ATP9B: variants seen among roughly 807,000 people sequenced by gnomAD.
ATP9B encodes the protein probable phospholipid-transporting ATPase IIB.
ATP9B carries 110 observed loss-of-function variants against 146.1 expected under a neutral mutation model. The ratio of observed to expected loss-of-function variants is 0.75; its 90% CI spans 0.65 to 0.88. The LOEUF (loss-of-function observed/expected upper bound fraction) is 0.88. Among genes scored for constraint, ATP9B ranks in the 40% least tolerant of loss-of-function variants. ATP9B has a pLI of 0.00. For missense variants in ATP9B, 1,499 were observed against 1,496.4 expected (o/e 1.00, Z -0.03); for synonymous variants, 604 against 569.7 (o/e 1.06, Z -0.86).
Position 79,185,072 on chromosome 18 carries a change from A to AT in ATP9B, c.874-8111_874-8110insT, listed in dbSNP as rs1474495855. On this transcript the variant is annotated intron_variant, in intron 8 of 29. Transcript: ENST00000426216. ...ATTCTGTACAAGCGATCAGCAGGTG[A>AT]CAGAGGTTAGCAGTGCAGGGATAGG... 2.7e-5 allele frequency among the ~76,000 whole-genome samples: 4 copies of AT among 150,732 alleles called. No homozygotes were observed. In the East Asian group the frequency reaches 7.7e-4, roughly 29 times the overall value.
intron 7 of ATP9B, among the ~76,000 whole-genome samples, chr18:79,159,257 G>A (rs1375257612): frequency 1.3e-5 from 2 of 152,142 alleles, no homozygotes; most frequent in Admixed American, 1.3e-4. Context: ...CCAGCAAAAT[G>A]TATCCATTTA....
At chr18:79,187,132 A>C (rs1415944076) in intron 8 of ATP9B, among the ~76,000 whole-genome samples, 2 of 152,236 alleles carry the variant, frequency 1.3e-5, no homozygotes, top group Non-Finnish European at 2.9e-5. Context: ...TTGGAGCTTC[A>C]GTCCTGAACT....
At chr18:79,088,377 T>A (rs1468696255) in intron 1 of ATP9B, among the ~76,000 whole-genome samples, 1 of 152,242 alleles carries the variant, frequency 6.6e-6, no homozygotes, top group Non-Finnish European at 1.5e-5. Context: ...ATTTTCTAGT[T>A]GACTGTTTTA....
At chr18:79,189,946 G>A (rs944730507) in intron 8 of ATP9B, among the ~76,000 whole-genome samples, 4 of 152,240 alleles carry the variant, frequency 2.6e-5, no homozygotes, top group Non-Finnish European at 4.4e-5. Context: ...CGAGCACTCG[G>A]AACTGTGATG....
At chr18:79,188,391 T>C (rs2095328976) in intron 8 of ATP9B, among the ~76,000 whole-genome samples, 1 of 152,208 alleles carries the variant, frequency 6.6e-6, no homozygotes. Context: ...CAGTTTTAGC[T>C]CGGCCCTCGG....
At chr18:79,292,063 A>G (rs2096509196) in intron 13 of ATP9B, among the ~76,000 whole-genome samples, 1 of 152,246 alleles carries the variant, frequency 6.6e-6, no homozygotes, top group East Asian at 1.9e-4. Flanking sequence ...AGTGTATATC[A>G]GTACCTCATT....
intron 8 of ATP9B, among the ~76,000 whole-genome samples, chr18:79,182,176 T>C (rs2095259143): frequency 6.6e-6 from 1 of 152,214 alleles, no homozygotes. Context: ...GCTGGGATCC[T>C]GCTGATGTCT....
Position 79,193,211 on chromosome 18 carries a change from A to T in ATP9B, c.902A>T (p.Tyr301Phe), listed in dbSNP as rs1473162624. Residue 301 changes from tyrosine (Y) to phenylalanine (F), a missense_variant, in exon 9 of 30, where the codon TAT (tyrosine) becomes TTT (phenylalanine). Transcript: ENST00000426216. The part of the protein sequence containing the change: ...GDLFSISAYV[Y>F]AQKPQMDIHS... ...CTTTTTTCTATCAGTGCTTATGTTT[A>T]TGCTCAGAAACCACAAATGGACATT... 6.2e-7 allele frequency: 1 copy of T among 1,611,626 alleles called. No homozygotes were observed.
chr18:79,251,630 G>T (rs2096024627), intron 11 of ATP9B, among the ~76,000 whole-genome samples: 1 of 152,150 alleles, frequency 6.6e-6, no homozygotes, highest in African/African-American at 2.4e-5. Flanking sequence ...ATTTTTGCTT[G>T]ATAACTGCAG....
chr18:79,245,657 TACCGCCCTAGTGACTGTGCGGAGGGC>T (rs1568483039), intron 11 of ATP9B, among the ~76,000 whole-genome samples: 16 of 103,906 alleles, frequency 1.5e-4, no homozygotes, highest in Non-Finnish European at 2.5e-4. Flanking sequence ...CTGAGGAGGG[TACCGCCCTAGTGACTGTGCGGAGGGC>T]ACCGCCCTAC....
At chr18:79,241,914 T>G (rs1038364291) in intron 11 of ATP9B, among the ~76,000 whole-genome samples, 4 of 152,230 alleles carry the variant, frequency 2.6e-5, no homozygotes, top group Non-Finnish European at 5.9e-5. Context: ...AGGGCTGCTG[T>G]CATCTGCTGC....
chr18:79,345,642 GTT>G, intron 22 of ATP9B, 70 bp downstream of exon 22: 1 of 1,596,546 alleles, frequency 6.3e-7, no homozygotes, highest in Non-Finnish European at 8.5e-7. Flanking sequence ...GATGGGCAAA[GTT>G]TGTTCCATCT....
chr18:79,095,513 A>G lies in ATP9B; in HGVS notation c.120-963A>G, dbSNP rs1599498296. The stretch of plus-strand genomic sequence containing the variant: ...TCCTTATGTGTCAATTAAGGATGGT[A>G]CTATCTCTGTCCCTTATTTATGTTT... On this transcript the variant is annotated intron_variant, in intron 1 of 29. Transcript: ENST00000426216. 3.3e-5 allele frequency: 5 copies of G among 152,316 alleles called. 1 individual carries two copies. The East Asian group carries it at 9.6e-4, about 29-fold the overall frequency. 9.4% of individuals were successfully genotyped at this position (152,316 alleles called of 1,614,324 possible). A position where few individuals can be genotyped will look rare whatever the true frequency, so the allele number is the denominator to read the frequency against.
At chr18:79,363,763 T>C (rs956954105) in intron 26 of ATP9B, 3 of 152,254 alleles carry the variant, frequency 2.0e-5, no homozygotes, top group African/African-American at 7.2e-5. Flanking sequence ...TAAACAGATA[T>C]TCCTGGATTG....
intron 11 of ATP9B, among the ~76,000 whole-genome samples, chr18:79,218,154 C>A (rs2095645188): frequency 6.6e-6 from 1 of 151,438 alleles, no homozygotes; most frequent in Admixed American, 6.6e-5. Context: ...TCCTGCTGGT[C>A]ATGTTTTCCT....
chr18:79,260,344 C>T (rs751688340), intron 12 of ATP9B, among the ~76,000 whole-genome samples: 5 of 152,150 alleles, frequency 3.3e-5, no homozygotes, highest in African/African-American at 7.2e-5. Context: ...CTCATTATCA[C>T]GAGAACAGCA....
chr18:79,246,790 T>C (rs1436606867), intron 11 of ATP9B, among the ~76,000 whole-genome samples: 1 of 152,202 alleles, frequency 6.6e-6, no homozygotes, highest in Non-Finnish European at 1.5e-5. Context: ...CTGAGACAGA[T>C]GACTCTGAGA....
intron 3 of ATP9B, among the ~76,000 whole-genome samples, chr18:79,112,554 A>G (rs1386304199): frequency 1.3e-5 from 2 of 152,204 alleles, no homozygotes; most frequent in Non-Finnish European, 1.5e-5. Flanking sequence ...CCCAAAGACC[A>G]TAAGAGTAGC....
intron 13 of ATP9B, 62 bp downstream of exon 13, chr18:79,277,258 A>G (rs1376567519): frequency 1.9e-6 from 3 of 1,578,286 alleles, no homozygotes; most frequent in Non-Finnish European, 2.6e-6. Flanking sequence ...AAAAAATAGC[A>G]TAGCGTATAG....
Sources: allele counts gnomAD v4.1 joint callset (sites outside exome capture counted in the v4.1 genomes callset), GRCh38; gene constraint gnomAD v4.1.1; transcripts MANE v1.5; gene names NCBI Gene and HGNC (gene_info 2026-07-23, HGNC 2026-07-21).